The following ANKRD6 variants were observed in gnomAD, a reference collection of about 807,000 sequenced individuals.
ANKRD6 encodes the protein ankyrin repeat domain 6.
ANKRD6 carries 56 observed loss-of-function variants against 82.3 expected under a neutral mutation model. The ratio of observed to expected loss-of-function variants is 0.68; its 90% CI spans 0.55 to 0.85. ANKRD6 has a LOEUF of 0.85. ANKRD6 is among the 40% of genes least tolerant of loss of function. The pLI is 0.00. For missense variants in ANKRD6, 852 were observed against 907.6 expected (o/e 0.94, Z 0.79); for synonymous variants, 347 against 352.1 (o/e 0.99, Z 0.16).
At chr6:89,497,538 G>A (rs1778773438) in intron 1 of ANKRD6, among the ~76,000 whole-genome samples, 1 of 152,086 alleles carries the variant, frequency 6.6e-6, no homozygotes, top group South Asian at 2.1e-4. Context: ...AATAATAGGG[G>A]ATCTTTGAAA....
chr6:89,565,526 A>G (rs556321595), intron 1 of ANKRD6, among the ~76,000 whole-genome samples: 1 of 152,352 alleles, frequency 6.6e-6, no homozygotes, highest in Non-Finnish European at 1.5e-5. Flanking sequence ...AAATGTTCTC[A>G]TGTCTGTTTT....
At chr6:89,488,552 GT>G (rs1211856042) in intron 1 of ANKRD6, among the ~76,000 whole-genome samples, 1 of 152,198 alleles carries the variant, frequency 6.6e-6, no homozygotes, top group South Asian at 2.1e-4. Flanking sequence ...AACATAGAAT[GT>G]AAAAATTCTC....
At position 89,488,008 on chromosome 6, in the gene ANKRD6, C is replaced by T. The variant is rs150075543; in HGVS notation, c.-144+54633C>T. On this transcript the variant is annotated intron_variant, in intron 1 of 15. Coordinates refer to ENST00000339746, the MANE Select transcript of ANKRD6 (RefSeq NM_001242809.2). ...AAGTTGGTATGTACAGAGGTAAGAT[C>T]CACAGTGTAACCTTTGTTACTTGAT... 3.9e-3 allele frequency among the ~76,000 whole-genome samples: 597 copies of T among 152,286 alleles called. 4 individuals carry two copies. Among genetic ancestry groups the T allele is most frequent in the African/African-American group, 0.014 (568 of 41,556 alleles).
chr6:89,485,650 C>T (rs1288835604), intron 1 of ANKRD6, among the ~76,000 whole-genome samples: 14 of 152,140 alleles, frequency 9.2e-5, no homozygotes, highest in Admixed American at 8.5e-4. Context: ...AACCCAAATC[C>T]GGCTGCCTGT....
At chr6:89,486,575 G>A (rs1325567745) in intron 1 of ANKRD6, among the ~76,000 whole-genome samples, 3 of 151,900 alleles carry the variant, frequency 2.0e-5, no homozygotes, top group African/African-American at 7.3e-5. Context: ...CTGAGAGCTG[G>A]GACATTTGAG....
intron 1 of ANKRD6, among the ~76,000 whole-genome samples, chr6:89,552,004 A>G (rs1031735877): frequency 6.6e-6 from 1 of 152,224 alleles, no homozygotes. Flanking sequence ...ATTCATAATG[A>G]TACTGTTGAC....
At chr6:89,576,626 TG>T (rs1467735084) in intron 2 of ANKRD6, among the ~76,000 whole-genome samples, 3 of 152,190 alleles carry the variant, frequency 2.0e-5, no homozygotes, top group Non-Finnish European at 4.4e-5. Flanking sequence ...TCTTGGTCCT[TG>T]CTGGAGCTTG....
chr6:89,508,310 C>G (rs1226505287), intron 1 of ANKRD6, among the ~76,000 whole-genome samples: 1 of 152,118 alleles, frequency 6.6e-6, no homozygotes, highest in Non-Finnish European at 1.5e-5. Context: ...TCCAGGAGGT[C>G]TCACCCACAT....
chr6:89,503,417 C>T (rs1424338814), intron 1 of ANKRD6, among the ~76,000 whole-genome samples: 1 of 152,154 alleles, frequency 6.6e-6, no homozygotes, highest in Non-Finnish European at 1.5e-5. Flanking sequence ...CATAAAGCCC[C>T]TGGGCTGTAG....
intron 2 of ANKRD6, among the ~76,000 whole-genome samples, chr6:89,592,287 T>A (rs1042890546): frequency 2.0e-5 from 3 of 152,120 alleles, no homozygotes; most frequent in Admixed American, 2.0e-4. Flanking sequence ...TGGGGTGTCC[T>A]CTGGGGTGGG....
At chr6:89,509,731 C>T (rs1327367527) in intron 1 of ANKRD6, among the ~76,000 whole-genome samples, 1 of 152,166 alleles carries the variant, frequency 6.6e-6, no homozygotes, top group Admixed American at 6.5e-5. Flanking sequence ...AATCTTCTAA[C>T]AGACCTATGA....
chr6:89,542,511 C>G lies in ANKRD6; in HGVS notation c.-143-24323C>G, dbSNP rs147922668. ...CTTGTCAACTCTTTGACCACCCCCC[C>G]GCTTCCCGAGACACAGGAGGCATAG... is the stretch of plus-strand genomic sequence containing the variant. On this transcript the variant is annotated intron_variant, in intron 1 of 15. Coordinates refer to ENST00000339746, the MANE Select transcript of ANKRD6 (RefSeq NM_001242809.2). 6.6e-5 allele frequency among the ~76,000 whole-genome samples: 10 copies of G among 152,212 alleles called. No homozygotes were observed. The South Asian group carries it at 1.2e-3, about 19-fold the overall frequency.
At chr6:89,439,436 A>G (rs1213347895) in intron 1 of ANKRD6, among the ~76,000 whole-genome samples, 4 of 152,224 alleles carry the variant, frequency 2.6e-5, no homozygotes, top group South Asian at 2.1e-4. Context: ...GTAAAATTGT[A>G]AAATTTGTAT....
chr6:89,455,608 C>T (rs1395216628), intron 1 of ANKRD6, among the ~76,000 whole-genome samples: 1 of 152,028 alleles, frequency 6.6e-6, no homozygotes, highest in African/African-American at 2.4e-5. Context: ...TTAGCACCGT[C>T]CTCTTGGTGC....
intron 2 of ANKRD6, among the ~76,000 whole-genome samples, chr6:89,575,675 G>A (rs889804089): frequency 6.6e-6 from 1 of 152,126 alleles, no homozygotes; most frequent in Non-Finnish European, 1.5e-5. Flanking sequence ...TCATGTATAT[G>A]TTGCTTGTCC....
intron 1 of ANKRD6, among the ~76,000 whole-genome samples, chr6:89,481,692 G>A (rs1302317231): frequency 1.5e-5 from 2 of 137,674 alleles, no homozygotes; most frequent in Non-Finnish European, 3.2e-5. Context: ...TGGTTGTGCT[G>A]CTTGCAGTAG....
At chr6:89,570,061 A>G (rs930176240) in intron 2 of ANKRD6, among the ~76,000 whole-genome samples, 43 of 72,892 alleles carry the variant, frequency 5.9e-4, no homozygotes, top group Admixed American at 2.4e-3. Flanking sequence ...GTATGTGTGT[A>G]TATGTGTGTG....
At chr6:89,457,574 CA>C (rs1310639381) in intron 1 of ANKRD6, among the ~76,000 whole-genome samples, 1 of 152,116 alleles carries the variant, frequency 6.6e-6, no homozygotes, top group African/African-American at 2.4e-5. Context: ...TATACTAATC[CA>C]AATACATATA....
intron 1 of ANKRD6, among the ~76,000 whole-genome samples, chr6:89,464,387 G>A (rs769583581): frequency 6.6e-6 from 1 of 152,148 alleles, no homozygotes; most frequent in Non-Finnish European, 1.5e-5. Flanking sequence ...TACAGAAAAC[G>A]TTTCTTTAGT....
Sources: gnomAD v4.1 joint callset for allele counts (sites outside exome capture counted in the v4.1 genomes callset) on GRCh38, gnomAD v4.1.1 for gene constraint, MANE v1.5 for transcripts, NCBI Gene and HGNC (gene_info 2026-07-23, HGNC 2026-07-21) for gene names.